The following NEMP2 variants were observed in gnomAD, a reference collection of about 807,000 sequenced individuals.
The protein encoded by NEMP2 is nuclear envelope integral membrane protein 2.
A neutral mutation model predicts 54.2 loss-of-function variants in NEMP2; 53 were observed. The observed-to-expected ratio is 0.98, with a 90% CI of 0.78 to 1.23. NEMP2 has a LOEUF of 1.23. NEMP2 is among the 50% of genes most tolerant of loss of function. The probability of loss-of-function intolerance (pLI) is 0.00; values close to 1 mark genes in which losing one functional copy is unlikely to be tolerated. For missense variants in NEMP2, 455 were observed against 511.3 expected, an observed-to-expected ratio of 0.89 and a Z score of 1.06; for synonymous variants, 197 against 190.3, an observed-to-expected ratio of 1.04 and a Z score of -0.29.
At chr2:190,444,155 A>T in the NEMP2 span, among the ~76,000 whole-genome samples, 8 of 152,244 alleles carry the variant, frequency 5.3e-5, no homozygotes, top group African/African-American at 1.9e-4. Flanking sequence ...TGTGTAAAAA[A>T]ACTGTTGATT....
At chr2:190,602,926 T>C in the NEMP2 span, among the ~76,000 whole-genome samples, 1 of 152,192 alleles carries the variant, frequency 6.6e-6, no homozygotes, top group African/African-American at 2.4e-5. Context: ...GAGTCCTTGC[T>C]GGAATGCCTT....
intron 5 of NEMP2, 50 bp downstream of exon 5, chr2:190,517,470 T>C: frequency 7.8e-7 from 1 of 1,288,458 alleles, no homozygotes; most frequent in South Asian, 1.4e-5. Flanking sequence ...TTTTCATGTC[T>C]GTAAGATCAT....
Position 190,508,044 on chromosome 2 carries a change from G to A in NEMP2, c.*1145C>T, listed in dbSNP as rs1047198336. ...AGCTCATAGCCCCTCATTTCAATCT[G>A]GAGTTTAATATCATGAATCAAGAAA... On this transcript the variant is annotated 3_prime_UTR_variant, in exon 9 of 9. Transcript: ENST00000409150. The surrounding 1 kb of genome is among the most constrained non-coding windows in gnomAD (Gnocchi z 4.3). 5.9e-5 allele frequency: 9 copies of A among 151,942 alleles called. No individual in the cohort carries two copies. Among genetic ancestry groups the A allele is most frequent in the African/African-American group, 1.9e-4 (8 of 41,348 alleles). The allele number at this position is 151,942 out of a possible 1,614,324, so 9.4% of individuals were successfully genotyped here. A position where few individuals can be genotyped will look rare whatever the true frequency, so the allele number is the denominator to read the frequency against.
the NEMP2 span, among the ~76,000 whole-genome samples, chr2:190,550,109 T>A: frequency 6.6e-6 from 1 of 152,226 alleles, no homozygotes; most frequent in African/African-American, 2.4e-5. The surrounding 1 kb of genome is among the most constrained non-coding windows in gnomAD (Gnocchi z 4.7). Context: ...AGATTCCTAG[T>A]TCCCAGGTAT....
chr2:190,484,581 G>T, the NEMP2 span, among the ~76,000 whole-genome samples: 4 of 152,058 alleles, frequency 2.6e-5, no homozygotes, highest in African/African-American at 9.7e-5. Flanking sequence ...TAAAACGAGA[G>T]AATCAGAACA....
At chr2:190,468,976 C>G in the NEMP2 span, among the ~76,000 whole-genome samples, 2 of 152,072 alleles carry the variant, frequency 1.3e-5, no homozygotes, top group African/African-American at 4.8e-5. Flanking sequence ...GCTTCCAAAC[C>G]AGCCCATCCA....
At chr2:190,554,133 C>T in the NEMP2 span, among the ~76,000 whole-genome samples, 12 of 152,324 alleles carry the variant, frequency 7.9e-5, no homozygotes, top group Non-Finnish European at 1.5e-4. The surrounding 1 kb of genome is among the most constrained non-coding windows in gnomAD (Gnocchi z 5.7). Flanking sequence ...CCAGATACTG[C>T]GCTTTTCCCA....
At chr2:190,566,144 T>A in the NEMP2 span, among the ~76,000 whole-genome samples, 1 of 152,158 alleles carries the variant, frequency 6.6e-6, no homozygotes, top group Non-Finnish European at 1.5e-5. Flanking sequence ...TTCATTGCAG[T>A]GTATCTAATG....
the NEMP2 span, chr2:190,608,419 A>G: frequency 1.3e-5 from 2 of 152,236 alleles, no homozygotes; most frequent in Non-Finnish European, 2.9e-5. This position sits in a 1 kb window ranked among gnomAD's most constrained non-coding sequence, Gnocchi z 4.9. Flanking sequence ...TGTAAAGAAA[A>G]ATATATTTGT....
the NEMP2 span, among the ~76,000 whole-genome samples, chr2:190,424,151 A>G: frequency 6.6e-6 from 1 of 151,910 alleles, no homozygotes; most frequent in African/African-American, 2.4e-5. The surrounding 1 kb of genome is among the most constrained non-coding windows in gnomAD (Gnocchi z 5.9). Context: ...GAAGTCTAAC[A>G]TTAGTTTTTC....
the NEMP2 span, chr2:190,437,647 G>A: frequency 6.9e-7 from 1 of 1,442,382 alleles, no homozygotes; most frequent in Non-Finnish European, 9.3e-7. This position sits in a 1 kb window ranked among gnomAD's most constrained non-coding sequence, Gnocchi z 5.9. Flanking sequence ...CAATTTTAAG[G>A]TATTATAATT....
rs4146924 is a variant in NEMP2 at position 190,529,930 on chromosome 2, C to G, written c.98-4552G>C. Reference sequence around the variant, plus strand: ...GGCTGCACTTCCCCCTTGCCCTACCCCATGGCCAATACATCCATAGCTAGA... The same window carrying G: ...GGCTGCACTTCCCCCTTGCCCTACCGCATGGCCAATACATCCATAGCTAGA... On this transcript the variant is annotated intron_variant, in intron 1 of 8. Coordinates refer to ENST00000409150, the MANE Select transcript of NEMP2 (RefSeq NM_001142645.2). The surrounding 1 kb of genome is among the most constrained non-coding windows in gnomAD (Gnocchi z 4.7). Among the ~76,000 whole-genome samples, 29,958 of 152,208 alleles carry G rather than the reference C, an allele frequency of 0.2. 3,833 individuals carry two copies. Among genetic ancestry groups the G allele is most frequent in the Admixed American group, 0.4 (6,166 of 15,284 alleles).
At chr2:190,599,897 G>A in the NEMP2 span, among the ~76,000 whole-genome samples, 1 of 152,060 alleles carries the variant, frequency 6.6e-6, no homozygotes, top group South Asian at 2.1e-4. Flanking sequence ...TCCCTCACCT[G>A]GGAGGACTAT....
chr2:190,484,352 T>C, the NEMP2 span, among the ~76,000 whole-genome samples: 1 of 152,214 alleles, frequency 6.6e-6, no homozygotes, highest in East Asian at 1.9e-4. Flanking sequence ...GCTTATTTCA[T>C]CACATAAAGA....
chr2:190,581,876 C>T, the NEMP2 span, among the ~76,000 whole-genome samples: 5 of 152,008 alleles, frequency 3.3e-5, no homozygotes, highest in Non-Finnish European at 5.9e-5. Flanking sequence ...CCTAAAAAGT[C>T]ATATTGGTAA....
At chr2:190,615,553 T>G in the NEMP2 span, among the ~76,000 whole-genome samples, 2 of 152,134 alleles carry the variant, frequency 1.3e-5, no homozygotes, top group Non-Finnish European at 2.9e-5. The surrounding 1 kb of genome is among the most constrained non-coding windows in gnomAD (Gnocchi z 4.7). Context: ...CTTGGAGGTT[T>G]TATGGTGGCT....
chr2:190,566,594 G>A, the NEMP2 span, among the ~76,000 whole-genome samples: 1 of 144,710 alleles, frequency 6.9e-6, no homozygotes, highest in Non-Finnish European at 1.5e-5. Context: ...TCTTAAAACG[G>A]GAAAGAAAAG....
At chr2:190,576,736 C>T in the NEMP2 span, among the ~76,000 whole-genome samples, 15 of 152,168 alleles carry the variant, frequency 9.9e-5, no homozygotes, top group Non-Finnish European at 2.1e-4. Flanking sequence ...TGGTAAAACC[C>T]AGTCCAAAGA....
At chr2:190,637,391 TAC>T in the NEMP2 span, among the ~76,000 whole-genome samples, 1 of 152,244 alleles carries the variant, frequency 6.6e-6, no homozygotes, top group African/African-American at 2.4e-5. The surrounding 1 kb of genome is among the most constrained non-coding windows in gnomAD (Gnocchi z 4.5). Flanking sequence ...TGCTGAGAAC[TAC>T]AGCTACAAGA....
Sources: gnomAD v4.1 joint callset for allele counts (sites outside exome capture counted in the v4.1 genomes callset) on GRCh38, gnomAD v4.1.1 for gene constraint, Gnocchi (gnomAD v3.1) non-coding constraint, MANE v1.5 for transcripts, NCBI Gene and HGNC (gene_info 2026-07-23, HGNC 2026-07-21) for gene names.